Variants in NAPEPLD observed in about 807,000 individuals in gnomAD.
The protein encoded by NAPEPLD is N-acyl phosphatidylethanolamine phospholipase D.
Under a neutral mutation model 38.1 loss-of-function variants are expected in NAPEPLD, and 23 were observed. That is an observed-to-expected ratio of 0.60 (90% confidence interval 0.43 to 0.86). The LOEUF (loss-of-function observed/expected upper bound fraction) is 0.86. Ranked by LOEUF, NAPEPLD falls within the 40% of genes least tolerant of loss-of-function variation. NAPEPLD has a pLI of 0.00. For missense variants in NAPEPLD, 411 were observed against 476.8 expected, an observed-to-expected ratio of 0.86 and a Z score of 1.28; for synonymous variants, 147 against 162.0, an observed-to-expected ratio of 0.91 and a Z score of 0.71.
At chr7:103,108,188 G>T (rs1177122187) in intron 4 of NAPEPLD, among the ~76,000 whole-genome samples, 2 of 145,890 alleles carry the variant, frequency 1.4e-5, no homozygotes, top group Non-Finnish European at 3.0e-5. Flanking sequence ...TGTCACCCAG[G>T]TTGGAGTGCA....
chr7:103,107,731 C>T (rs915260911), intron 4 of NAPEPLD, among the ~76,000 whole-genome samples: 15 of 140,472 alleles, frequency 1.1e-4, no homozygotes, highest in African/African-American at 4.0e-4. Flanking sequence ...AACAAAGACT[C>T]CAAGAAATAT....
At chr7:103,117,121 A>T (rs1805737231) in intron 3 of NAPEPLD, among the ~76,000 whole-genome samples, 2 of 152,246 alleles carry the variant, frequency 1.3e-5, no homozygotes, top group Admixed American at 1.3e-4. Flanking sequence ...GTGACAACTA[A>T]CACTACAGTG....
chr7:103,116,173 T>C lies in NAPEPLD; in HGVS notation c.942-999A>G, dbSNP rs118156742. The stretch of plus-strand genomic sequence containing the variant: ...GCCTCCTGGGTTCAAGTGATTCTTC[T>C]GCTTCAACCTCCTGGGTAGCTGGGA... On this transcript the variant is annotated intron_variant, in intron 3 of 4. Transcript: ENST00000465647. Among the ~76,000 whole-genome samples, 624 of 152,270 alleles carry C rather than the reference T, an allele frequency of 4.1e-3. 3 individuals carry two copies. Among genetic ancestry groups the C allele is most frequent in the Non-Finnish European group, 7.4e-3 (506 of 68,018 alleles).
intron 3 of NAPEPLD, among the ~76,000 whole-genome samples, chr7:103,117,139 A>C (rs1032134285): frequency 5.3e-5 from 8 of 152,242 alleles, no homozygotes; most frequent in African/African-American, 1.7e-4. Context: ...GTGAAGACCA[A>C]CAGACATGGA....
At position 103,149,047 on chromosome 7, in the gene NAPEPLD, C is replaced by G; in HGVS notation, c.-253G>C. On this transcript the variant is annotated 5_prime_UTR_variant, in exon 1 of 5. Coordinates refer to ENST00000465647, the MANE Select transcript of NAPEPLD (RefSeq NM_001122838.3). ...GGCTCGGGGACGGGAAACCCACTCTCAGCCCGCTCCACTTCGCCGAAGAAT... is the reference window on the plus strand; with the variant it reads ...GGCTCGGGGACGGGAAACCCACTCTGAGCCCGCTCCACTTCGCCGAAGAAT... The G allele has an allele frequency of 1.0e-6, 1 of 985,420 alleles. No homozygotes were observed. Among genetic ancestry groups the G allele is most frequent in the South Asian group, 4.7e-5 (1 of 21,258 alleles). The allele number at this position is 985,420 out of a possible 1,614,324, so 61.0% of individuals were successfully genotyped here.
In NAPEPLD at chr7:103,117,297, C is replaced by T. The variant is rs145330217; in HGVS notation, c.942-2123G>A. Among the ~76,000 whole-genome samples the T allele has an allele frequency of 1.4e-4, 21 of 152,310 alleles. No individual in the cohort carries two copies. In the East Asian group the frequency reaches 3.9e-3, roughly 28 times the overall value. On this transcript the variant is annotated intron_variant, in intron 3 of 4. Transcript: ENST00000465647. The stretch of plus-strand genomic sequence containing the variant: ...TCTCCTCAACAGCAAATGAGAGCAG[C>T]ACTGTTCTGCCATATCTCCTGACTC...
Position 103,128,494 on chromosome 7 carries a change from T to C in NAPEPLD, c.283A>G (p.Ser95Gly). ...IMEKDHSSVP[S>G]SKEELDKELP... ...AAGCCAAGCGCTACCTCTTTAGAAC[T>C]TGGAACACTGCTGTGATCTTTCTCC... Residue 95 changes from serine to glycine, a missense_variant, in exon 2 of 5, where the codon AGT becomes GGT. By Grantham distance (56) the Ser-to-Gly change is moderately conservative (BLOSUM62 0). Transcript: ENST00000465647. 2 of 1,614,198 alleles carry C rather than the reference T, an allele frequency of 1.2e-6. No homozygotes were observed. The highest frequency in any genetic ancestry group is 1.7e-6 in the Non-Finnish European group (2 of 1,180,028).
chr7:103,141,571 C>A, intron 1 of NAPEPLD: 1 of 1,123,846 alleles, frequency 8.9e-7, no homozygotes, highest in Non-Finnish European at 1.4e-6. Context: ...CCTTCAGGTA[C>A]AGGCTGTGAT....
At chr7:103,141,413 T>C (rs1247551768) in intron 1 of NAPEPLD, 10 of 852,682 alleles carry the variant, frequency 1.2e-5, no homozygotes, top group Non-Finnish European at 2.1e-5. Context: ...GGCCTGGAGG[T>C]GCTCTTCATA....
At chr7:103,107,766 T>TGC (rs200698211) in intron 4 of NAPEPLD, among the ~76,000 whole-genome samples, 1 of 4,580 alleles carries the variant, frequency 2.2e-4, no homozygotes, top group Admixed American at 6.3e-3. Context: ...AGACCAAATC[T>TGC]ACACGATTGG....
chr7:103,112,752 T>TA (rs58608506), intron 4 of NAPEPLD, among the ~76,000 whole-genome samples: 2,613 of 142,226 alleles, frequency 0.018, 42 homozygotes, highest in African/African-American at 0.048. Flanking sequence ...TAAAGTATAA[T>TA]AAAAAAAAAA....
In NAPEPLD at chr7:103,109,677, CAACTA is replaced by C. The variant is rs566163381; in HGVS notation, c.1056+5378_1056+5382del. ...ATCTAAAATCAACACCCTAACATCA[CAACTA>C]AACTAGAGAAGCAAGAGCAAACAAA... On this transcript the variant is annotated intron_variant, in intron 4 of 4. Transcript: ENST00000465647. Among the ~76,000 whole-genome samples, 24 of 152,146 alleles carry C rather than the reference CAACTA, an allele frequency of 1.6e-4. No individual in the cohort carries two copies. The South Asian group carries it at 4.6e-3, about 29-fold the overall frequency.
chr7:103,120,292 A>G (rs1806392033), intron 2 of NAPEPLD, 69 bp from the exon 3 acceptor site: 1 of 1,486,822 alleles, frequency 6.7e-7, no homozygotes, highest in Admixed American at 2.1e-5. Flanking sequence ...CATAGTCCAC[A>G]TTTTGACCTA....
chr7:103,125,507 T>C (rs950765126), intron 2 of NAPEPLD, among the ~76,000 whole-genome samples: 1 of 152,228 alleles, frequency 6.6e-6, no homozygotes, highest in Non-Finnish European at 1.5e-5. Context: ...AGAGTATTCA[T>C]ATTTTCTAGT....
chr7:103,141,340 G>T, intron 1 of NAPEPLD: 1 of 742,468 alleles, frequency 1.3e-6, no homozygotes, highest in Non-Finnish European at 2.5e-6. Flanking sequence ...ACACACAAAG[G>T]GGCAGCTTTT....
At chr7:103,130,982 A>G (rs1808813402) in intron 1 of NAPEPLD, among the ~76,000 whole-genome samples, 1 of 152,186 alleles carries the variant, frequency 6.6e-6, no homozygotes, top group African/African-American at 2.4e-5. Flanking sequence ...AGGACTTTAC[A>G]AAGAGCAGAA....
At chr7:103,104,180 G>A (rs1352657586) in intron 4 of NAPEPLD, among the ~76,000 whole-genome samples, 1 of 152,056 alleles carries the variant, frequency 6.6e-6, no homozygotes, top group Admixed American at 6.6e-5. Context: ...CTTGAGGGAA[G>A]ATGAGAAAGT....
intron 3 of NAPEPLD, among the ~76,000 whole-genome samples, chr7:103,117,517 T>G (rs1485887325): frequency 2.0e-5 from 3 of 152,232 alleles, no homozygotes; most frequent in Non-Finnish European, 4.4e-5. Flanking sequence ...GACAGGAGAT[T>G]CCCTAAAGTA....
At chr7:103,125,419 T>C (rs776195651) in intron 2 of NAPEPLD, among the ~76,000 whole-genome samples, 1 of 152,258 alleles carries the variant, frequency 6.6e-6, no homozygotes, top group Non-Finnish European at 1.5e-5. Flanking sequence ...GCCATCATTA[T>C]ATCAACATGC....
Sources: allele counts gnomAD v4.1 joint callset (sites outside exome capture counted in the v4.1 genomes callset), GRCh38; gene constraint gnomAD v4.1.1; transcripts MANE v1.5; gene names NCBI Gene and HGNC (gene_info 2026-07-23, HGNC 2026-07-21).